Variants in WNK3 observed in about 807,000 individuals in gnomAD.
The protein encoded by WNK3 is serine/threonine-protein kinase WNK3.
A neutral mutation model predicts 116.7 loss-of-function variants in WNK3; 18 were observed. That is an observed-to-expected ratio of 0.15 (90% CI 0.11 to 0.23). The LOEUF (loss-of-function observed/expected upper bound fraction) is 0.23, where lower values mean the gene tolerates loss of function less well. Ranked by LOEUF, WNK3 falls within the 10% of genes least tolerant of loss-of-function variation. The pLI is 1.00. For missense variants in WNK3, 993 were observed against 1,323.8 expected, an observed-to-expected ratio of 0.75 and a Z score of 3.88; for synonymous variants, 404 against 469.4, an observed-to-expected ratio of 0.86 and a Z score of 1.80.
At chrX:54,228,518 A>G (rs999035638) in intron 22 of WNK3, among the ~76,000 whole-genome samples, 196 bp downstream of exon 22, 2 of 111,366 alleles carry the variant, frequency 1.8e-5, no homozygotes, top group African/African-American at 3.3e-5. Context: ...AGGAGCTACA[A>G]TGAGGGATGA....
exon 20 of WNK3, chrX:54,237,048 A>G: frequency 8.3e-7 from 1 of 1,212,068 alleles, no homozygotes; most frequent in Non-Finnish European, 1.1e-6. Flanking sequence ...TCTGTGTTTG[A>G]GCATAAGCTT....
intron 16 of WNK3, 76 bp downstream of exon 16, chrX:54,249,918 C>G: frequency 9.3e-7 from 1 of 1,069,530 alleles, no homozygotes; most frequent in Non-Finnish European, 1.2e-6. Context: ...CCCATGGAAA[C>G]CAGTTAAAGA....
At chrX:54,332,112 A>C (rs1490660763) in intron 2 of WNK3, among the ~76,000 whole-genome samples, 10 of 112,009 alleles carry the variant, frequency 8.9e-5, no homozygotes, top group African/African-American at 2.9e-4. Context: ...AAAACTTCTC[A>C]TTATAACCCC....
chrX:54,308,265 C>T (rs2068848156), intron 4 of WNK3, among the ~76,000 whole-genome samples, 186 bp from the exon 5 acceptor site: 1 of 110,387 alleles, frequency 9.1e-6, no homozygotes, highest in South Asian at 3.9e-4. Context: ...CATCTCAGCT[C>T]ACTGCAACCT....
Position 54,280,581 on chromosome X carries a change from G to T in WNK3, c.2037+12307C>A, listed in dbSNP as rs781857314. Among the ~76,000 whole-genome samples the T allele has an allele frequency of 4.5e-5, 5 of 112,044 alleles. No individual in the cohort carries two copies. In the South Asian group the frequency reaches 1.8e-3, roughly 41 times the overall value. On this transcript the variant is annotated intron_variant, in intron 10 of 23. Transcript: ENST00000354646. ...ACTTTACAAGGAATTGTAAGGACTT[G>T]TGGAATACTATGCAGCCATAAAAAA...
chrX:54,249,395 G>T (rs782731290), exon 17 of WNK3: 1 of 1,209,903 alleles, frequency 8.3e-7, no homozygotes, highest in African/African-American at 1.7e-5. Flanking sequence ...GGAACTGCAC[G>T]AACTGAAGTA....
intron 22 of WNK3, among the ~76,000 whole-genome samples, chrX:54,218,357 G>A (rs1429178869): frequency 9.1e-6 from 1 of 110,365 alleles, no homozygotes; most frequent in Non-Finnish European, 1.9e-5. Context: ...AAAAATTAAA[G>A]GAAAGTGTGA....
chrX:54,342,322 T>G (rs970156100), intron 1 of WNK3, among the ~76,000 whole-genome samples: 5 of 109,029 alleles, frequency 4.6e-5, no homozygotes, highest in Admixed American at 3.0e-4. Context: ...ATCCCAGAAC[T>G]CTGGGAGGCC....
chrX:54,304,980 A>AT (rs1557168347), intron 5 of WNK3, among the ~76,000 whole-genome samples: 159 of 107,169 alleles, frequency 1.5e-3, no homozygotes, highest in African/African-American at 4.3e-3. Flanking sequence ...TTATTAAAAA[A>AT]ATATATATAT....
In WNK3 at chrX:54,253,945, C is replaced by T. The variant is rs200472092; in HGVS notation, c.2367+14G>A. The T allele has an allele frequency of 2.8e-6, 3 of 1,080,635 alleles. No homozygotes were observed. Among genetic ancestry groups the T allele is most frequent in the Admixed American group, 2.3e-5 (1 of 43,263 alleles). The allele number at this position is 1,080,635 out of a possible 1,213,427, so 89.1% of individuals were successfully genotyped here. The stretch of plus-strand genomic sequence containing the variant: ...AATGCTGAAGGGAAGATAATTTGGT[C>T]TTACTGCACTTACCATATAGTCTGC... On this transcript the variant is annotated intron_variant, in intron 13 of 23. Coordinates refer to ENST00000354646, the Ensembl canonical transcript of WNK3.
intron 10 of WNK3, among the ~76,000 whole-genome samples, chrX:54,265,837 A>G (rs1196315733): frequency 1.8e-5 from 2 of 112,656 alleles, no homozygotes; most frequent in Admixed American, 1.9e-4. Context: ...TGAGGTGAGG[A>G]GTTCGAGACC....
chrX:54,351,825 T>A (rs781863329), intron 1 of WNK3, among the ~76,000 whole-genome samples: 93 of 111,124 alleles, frequency 8.4e-4, no homozygotes, highest in African/African-American at 3.0e-3. Flanking sequence ...GGCACAAGAA[T>A]TGCTTGAACC....
Position 54,259,273 on chromosome X carries a change from C to T in WNK3, c.2102+1G>A. 8.5e-7 allele frequency: 1 copy of T among 1,182,425 alleles called. No homozygotes were observed. ...CATGGTATTAATTTGAAGATACTTA[C>T]CTTCGAACTAAATCTGGTTTTAGAA... is the stretch of plus-strand genomic sequence containing the variant. On this transcript the variant is annotated splice_donor_variant, in intron 11 of 23. Coordinates refer to ENST00000354646, the Ensembl canonical transcript of WNK3. LOFTEE classifies it high-confidence loss of function.
At chrX:54,308,166 G>A in intron 4 of WNK3, 87 bp from the exon 5 acceptor site, 1 of 837,868 alleles carries the variant, frequency 1.2e-6, no homozygotes, top group Admixed American at 3.5e-5. Flanking sequence ...AGGATTATCT[G>A]TGTTAATTTC....
At chrX:54,266,916 C>T (rs1231925649) in intron 10 of WNK3, among the ~76,000 whole-genome samples, 2 of 109,712 alleles carry the variant, frequency 1.8e-5, no homozygotes, top group African/African-American at 6.6e-5. Context: ...CGACAGGTCC[C>T]GGTGTGTGAT....
In WNK3 at chrX:54,219,515, T is replaced by C. The variant is rs2516044; in HGVS notation, c.4870+9199A>G. 2.0e-3 allele frequency among the ~76,000 whole-genome samples: 219 copies of C among 108,173 alleles called. 1 individual carries two copies. The highest frequency in any genetic ancestry group is 6.8e-3 in the African/African-American group (204 of 29,815). The allele number at this position is 108,173 out of a possible 115,157, so 93.9% of individuals were successfully genotyped here. On this transcript the variant is annotated intron_variant, in intron 22 of 23. Transcript: ENST00000354646. ...GCCAACATGGTGGTACCATTTCTAC[T>C]AAAAATACAAAAATTAGCCAGGCCT...
At chrX:54,240,808 T>C (rs934827638) in intron 17 of WNK3, among the ~76,000 whole-genome samples, 9 of 111,530 alleles carry the variant, frequency 8.1e-5, no homozygotes, top group Non-Finnish European at 1.3e-4. Context: ...GCTCTCCTGT[T>C]TACTGGCCGC....
chrX:54,301,678 C>T (rs1300423821), intron 6 of WNK3, 93 bp downstream of exon 6: 1 of 742,422 alleles, frequency 1.3e-6, no homozygotes, highest in African/African-American at 2.1e-5. Context: ...AAAAGTCAAA[C>T]TCAGCATGAC....
At chrX:54,355,826 G>T (rs1465277180) in intron 1 of WNK3, among the ~76,000 whole-genome samples, 1 of 111,502 alleles carries the variant, frequency 9.0e-6, no homozygotes, top group African/African-American at 3.3e-5. Flanking sequence ...AAACTGGGAG[G>T]CCGCCTTGCC....
Sources: allele counts gnomAD v4.1 joint callset (sites outside exome capture counted in the v4.1 genomes callset), GRCh38; gene constraint gnomAD v4.1.1; transcripts MANE v1.5; gene names NCBI Gene and HGNC (gene_info 2026-07-23, HGNC 2026-07-21).